The following ARAP3 variants were observed in gnomAD, a reference collection of about 807,000 sequenced individuals.
The protein encoded by ARAP3 is arf-GAP with Rho-GAP domain, ANK repeat and PH domain-containing protein 3.
A neutral mutation model predicts 169.2 loss-of-function variants in ARAP3; 82 were observed. The observed-to-expected ratio is 0.48, with a 90% CI of 0.41 to 0.58. The LOEUF (loss-of-function observed/expected upper bound fraction) is 0.58, where lower values mean the gene tolerates loss of function less well. Ranked by LOEUF, ARAP3 falls within the 20% of genes least tolerant of loss-of-function variation. The pLI is 0.00. For synonymous variants in ARAP3, 791 were observed against 800.3 expected, an observed-to-expected ratio of 0.99 and a Z score of 0.20; for missense variants, 1,764 against 2,018.0, an observed-to-expected ratio of 0.87 and a Z score of 2.41.
rs80186887 is a variant in ARAP3 at position 141,681,303 on chromosome 5, C to G, written c.-17-800G>C. ...TCTCTGCCCACCGGCAGCATGTTCA[C>G]ATGCTGTTCACCTGTGTGTGCACAT... On this transcript the variant is annotated intron_variant, in intron 1 of 32. Transcript: ENST00000239440. 1.9e-4 allele frequency among the ~76,000 whole-genome samples: 29 copies of G among 152,322 alleles called. 1 individual carries two copies. The East Asian group carries it at 5.0e-3, about 26-fold the overall frequency.
chr5:141,654,182 C>A lies in ARAP3; in HGVS notation c.4403G>T (p.Gly1468Val). The A allele has an allele frequency of 1.2e-6, 2 of 1,613,850 alleles. No homozygotes were observed. Among genetic ancestry groups the A allele is most frequent in the Non-Finnish European group, 1.7e-6 (2 of 1,179,864 alleles). Residue 1468 changes from glycine (G) to valine (V), a missense_variant, in exon 33 of 33, where the codon GGC becomes GTC. Gly to Val is a moderately radical substitution (Grantham distance 109). Coordinates refer to ENST00000239440, the MANE Select transcript of ARAP3 (RefSeq NM_022481.6). ...QEERPPEPPP[G>V]PPSKSSPQAR... The stretch of plus-strand genomic sequence containing the variant: ...CTGGGGACTGCTCTTTGAAGGGGGG[C>A]CTGGAGGGGGCTCAGGTGGCCTCTC...
In ARAP3 at chr5:141,666,521, G is replaced by A. The variant is rs751594414; in HGVS notation, c.2475C>T (p.Gly825=). ...PAPGLWLSGF[G]LLRGDHLFLC... ...GGAAGAGGTGGTCACCACGAAGGAG[G>A]CCAAACCCTGACAGCCAGAGACCAG... Residue 825 remains glycine (G), a synonymous_variant, in exon 17 of 33, where the codon GGC becomes GGT. Coordinates refer to ENST00000239440, the MANE Select transcript of ARAP3 (RefSeq NM_022481.6). 1 of 1,603,100 alleles carries A rather than the reference G, an allele frequency of 6.2e-7. No homozygotes were observed. Among genetic ancestry groups the A allele is most frequent in the Non-Finnish European group, 8.5e-7 (1 of 1,175,012 alleles).
At chr5:141,677,974 G>T (rs2099912428) in intron 4 of ARAP3, among the ~76,000 whole-genome samples, 2 of 147,374 alleles carry the variant, frequency 1.4e-5, no homozygotes, top group Admixed American at 6.9e-5. Context: ...TTGAGACGGA[G>T]TCCTGCTTTG....
At chr5:141,657,993 T>C (rs1386344146) in intron 25 of ARAP3, among the ~76,000 whole-genome samples, 1 of 152,130 alleles carries the variant, frequency 6.6e-6, no homozygotes, top group African/African-American at 2.4e-5. Flanking sequence ...TGTCAGGTTA[T>C]TAATGGCATT....
At chr5:141,661,995 A>T in intron 20 of ARAP3, 48 bp downstream of exon 20, 1 of 1,604,914 alleles carries the variant, frequency 6.2e-7, no homozygotes, top group Non-Finnish European at 8.5e-7. Context: ...TGGTGGGGGA[A>T]GGCAGAGATC....
At chr5:141,675,654 C>T (rs920184606) in intron 4 of ARAP3, among the ~76,000 whole-genome samples, 3 of 151,116 alleles carry the variant, frequency 2.0e-5, no homozygotes, top group Admixed American at 6.6e-5. Flanking sequence ...ACCTGGGAGG[C>T]GGAGGTTGCA....
chr5:141,654,522 G>C, intron 32 of ARAP3, 87 bp from the exon 33 acceptor site: 1 of 1,487,962 alleles, frequency 6.7e-7, no homozygotes, highest in Non-Finnish European at 8.9e-7. Context: ...TCTTCCTCTG[G>C]GCCAGATGCT....
Position 141,656,788 on chromosome 5 carries a change from G to A in ARAP3, c.3585C>T (p.Leu1195=). 1 of 1,612,674 alleles carries A rather than the reference G, an allele frequency of 6.2e-7. No individual in the cohort carries two copies. Among genetic ancestry groups the A allele is most frequent in the Non-Finnish European group, 8.5e-7 (1 of 1,179,418 alleles). Residue 1195 remains leucine (L), a synonymous_variant, in exon 26 of 33, where the codon CTC becomes CTT. Coordinates refer to ENST00000239440, the MANE Select transcript of ARAP3 (RefSeq NM_022481.6). ...VLEQALQWCQ[L]PEPCSASLLL... is the part of the protein sequence containing the mutation. ...GCAGGGAAGCTGAGCAGGGCTCTGG[G>A]AGCTGGCACCATTGTAAAGCCTGCT...
At chr5:141,656,391 A>G in intron 27 of ARAP3, 113 bp downstream of exon 27, 3 of 1,590,894 alleles carry the variant, frequency 1.9e-6, no homozygotes, top group Non-Finnish European at 2.6e-6. Flanking sequence ...AGTCGGGGGC[A>G]GGGAAGCAAT....
chr5:141,673,248 C>G (rs1220532333), intron 6 of ARAP3, 115 bp from the exon 7 acceptor site: 10 of 1,574,242 alleles, frequency 6.4e-6, no homozygotes, highest in African/African-American at 1.4e-5. Context: ...GCAGTGGGTA[C>G]AGCTGCTAAG....
At chr5:141,679,492 C>T in intron 4 of ARAP3, 53 bp downstream of exon 4, 16 of 1,552,038 alleles carry the variant, frequency 1.0e-5, no homozygotes, top group East Asian at 2.3e-5. Context: ...GATACATGGC[C>T]GCCACCGACT....
intron 22 of ARAP3, 61 bp downstream of exon 22, chr5:141,659,718 T>C: frequency 6.4e-7 from 1 of 1,567,530 alleles, no homozygotes. Flanking sequence ...GGATCCAGAG[T>C]CTCTGGGTCC....
intron 20 of ARAP3, 79 bp from the exon 21 acceptor site, chr5:141,661,868 G>A (rs3749759): frequency 0.66 from 1,003,264 of 1,520,400 alleles, 333,898 homozygotes; most frequent in African/African-American, 0.82. Flanking sequence ...GGATTTTTAG[G>A]CACAAATGCA....
At chr5:141,663,614 CACTG>C (rs1415108241) in intron 19 of ARAP3, among the ~76,000 whole-genome samples, 2 of 152,194 alleles carry the variant, frequency 1.3e-5, no homozygotes, top group African/African-American at 2.4e-5. Context: ...AGGGCTTTCT[CACTG>C]GGCCTCTGAC....
At position 141,673,609 on chromosome 5, in the gene ARAP3, G is replaced by A. The variant is rs2099911746; in HGVS notation, c.898C>T (p.Gln300Ter). Reference protein sequence around the residue: ...LSGWLDKLSPQGNYVFQRRFV... With the variant: ...LSGWLDKLSP Reference sequence around the variant, plus strand: ...CCTTCCCCTCCCAGCACCCACCCCTGAGGGGAGAGCTTGTCTAGCCAGCCA... The same window carrying A: ...CCTTCCCCTCCCAGCACCCACCCCTAAGGGGAGAGCTTGTCTAGCCAGCCA... Residue 300 changes from glutamine (Q) to a stop codon, truncating the protein, a stop_gained, in exon 5 of 33, where the codon CAG becomes TAG. Transcript: ENST00000239440. LOFTEE classifies it high-confidence loss of function. 6.2e-7 allele frequency: 1 copy of A among 1,613,804 alleles called. No individual in the cohort carries two copies. Among genetic ancestry groups the A allele is most frequent in the Non-Finnish European group, 8.5e-7 (1 of 1,179,864 alleles).
chr5:141,655,296 G>C, intron 32 of ARAP3, 66 bp downstream of exon 32: 3 of 1,531,768 alleles, frequency 2.0e-6, no homozygotes, highest in Non-Finnish European at 2.6e-6. Flanking sequence ...AGCACACCCG[G>C]GGCTCAGGCA....
rs752572233 is a variant in ARAP3, at chr5:141,653,923, T to C, written c.*27A>G. 26 of 1,511,374 alleles carry C rather than the reference T, an allele frequency of 1.7e-5. No homozygotes were observed. Among genetic ancestry groups the C allele is most frequent in the Admixed American group, 2.3e-5 (1 of 43,672 alleles). 93.6% of individuals were successfully genotyped at this position (1,511,374 alleles called of 1,614,324 possible). A position where few individuals can be genotyped will look rare whatever the true frequency, so the allele number is the denominator to read the frequency against. ...AAGAGTTTCTGGGTCTTCTGGTACC[T>C]ACCCTCTCAGACTGCTGGTCCTAGG... is the stretch of plus-strand genomic sequence containing the variant. On this transcript the variant is annotated 3_prime_UTR_variant, in exon 33 of 33. Coordinates refer to ENST00000239440, the MANE Select transcript of ARAP3 (RefSeq NM_022481.6).
chr5:141,672,129 C>T lies in ARAP3; in HGVS notation c.1558G>A (p.Gly520Arg). Residue 520 changes from glycine (G) to arginine (R), a missense_variant, in exon 10 of 33, where the codon GGG (glycine) becomes AGG (arginine). By Grantham distance (125) the Gly-to-Arg change is moderately radical. Transcript: ENST00000239440. This position sits in a 1 kb window ranked among gnomAD's most constrained non-coding sequence, Gnocchi z 4.9. ...GCACACTGCTTGCAGATGACCACCC[C>T]CAAATTGACAGCAGCCCAATCTGGG... ...SRPDWAAVNL[G>R]VVICKQCAGQ... 1 of 1,614,180 alleles carries T rather than the reference C, an allele frequency of 6.2e-7. No homozygotes were observed. The highest frequency in any genetic ancestry group is 8.5e-7 in the Non-Finnish European group (1 of 1,180,022).
chr5:141,667,754 A>G (rs2099910862), intron 16 of ARAP3, among the ~76,000 whole-genome samples: 1 of 149,636 alleles, frequency 6.7e-6, no homozygotes, highest in African/African-American at 2.4e-5. Flanking sequence ...TAAAAATAAT[A>G]TAAGTGGCCA....
Sources: allele counts gnomAD v4.1 joint callset (sites outside exome capture counted in the v4.1 genomes callset), GRCh38; gene constraint gnomAD v4.1.1; non-coding constraint Gnocchi (gnomAD v3.1); transcripts MANE v1.5; gene names NCBI Gene and HGNC (gene_info 2026-07-23, HGNC 2026-07-21).